The following MAML3 variants were observed in gnomAD, a reference collection of about 807,000 sequenced individuals.
The protein encoded by MAML3 is mastermind-like protein 3.
A neutral mutation model predicts 101.9 loss-of-function variants in MAML3; 27 were observed. The ratio of observed to expected loss-of-function variants is 0.27; its 90% CI spans 0.20 to 0.37. MAML3 has a LOEUF of 0.37. Ranked by LOEUF, MAML3 falls within the 10% of genes least tolerant of loss-of-function variation. The probability of loss-of-function intolerance (pLI) is 1.00; values close to 1 mark genes in which losing one functional copy is unlikely to be tolerated. For synonymous variants in MAML3, 501 were observed against 555.9 expected (o/e 0.90, Z 1.39); for missense variants, 1,316 against 1,444.9 (o/e 0.91, Z 1.45).
chr4:140,134,284 G>C, intron 1 of MAML3: 1 of 456,750 alleles, frequency 2.2e-6, no homozygotes. Context: ...GAAAGGAAAG[G>C]TTGAAAGGAT....
chr4:139,816,877 G>A (rs935943376), intron 2 of MAML3, among the ~76,000 whole-genome samples: 2 of 152,094 alleles, frequency 1.3e-5, no homozygotes, highest in Non-Finnish European at 2.9e-5. Flanking sequence ...ATAGCCACAC[G>A]GAGGGAATAT....
chr4:139,788,622 A>C (rs1252102528), intron 2 of MAML3, among the ~76,000 whole-genome samples: 1 of 152,262 alleles, frequency 6.6e-6, no homozygotes, highest in Non-Finnish European at 1.5e-5. Context: ...GCAAGCTAAA[A>C]GACTATAATC....
At chr4:139,763,632 T>A (rs1729799432) in intron 2 of MAML3, among the ~76,000 whole-genome samples, 1 of 152,202 alleles carries the variant, frequency 6.6e-6, no homozygotes, top group Non-Finnish European at 1.5e-5. Context: ...ATCATGTTGA[T>A]GCTGCCCCTG....
chr4:139,872,624 G>C (rs1445959391), intron 2 of MAML3, among the ~76,000 whole-genome samples: 1 of 152,222 alleles, frequency 6.6e-6, no homozygotes, highest in African/African-American at 2.4e-5. Flanking sequence ...CATCAAAGAT[G>C]TAATGCCTTT....
intron 2 of MAML3, among the ~76,000 whole-genome samples, chr4:139,887,048 T>C (rs945253831): frequency 2.0e-5 from 3 of 152,218 alleles, no homozygotes; most frequent in Admixed American, 1.3e-4. Flanking sequence ...TCACTAGCAA[T>C]AGCAGAAAAC....
Position 140,117,450 on chromosome 4 carries a change from C to T in MAML3, c.468+35410G>A, listed in dbSNP as rs184236274. Among the ~76,000 whole-genome samples the T allele has an allele frequency of 3.4e-3, 517 of 152,086 alleles. 6 individuals are homozygous for T. Among genetic ancestry groups the T allele is most frequent in the African/African-American group, 0.012 (485 of 41,476 alleles). On this transcript the variant is annotated intron_variant, in intron 1 of 4. Transcript: ENST00000509479. ...TAACTATATAACTTTAAAAGTATGA[C>T]TTACAGAATATTTATTTCCTTAAGA...
At chr4:139,989,628 A>T (rs2320820) in intron 1 of MAML3, among the ~76,000 whole-genome samples, 142,426 of 152,012 alleles carry the variant, frequency 0.94, 67,436 homozygotes, top group East Asian at 1. Flanking sequence ...CCCACATGCA[A>T]CACCAAGCCA....
In MAML3 at chr4:140,121,794, T is replaced by G. The variant is rs146991215; in HGVS notation, c.468+31066A>C. ...TGCCACTGCTCAATAGTGCATGATA[T>G]GGTTTGGCTGTGTCCCAACCCAAAT... On this transcript the variant is annotated intron_variant, in intron 1 of 4. Coordinates refer to ENST00000509479, the MANE Select transcript of MAML3 (RefSeq NM_018717.5). 5.9e-5 allele frequency among the ~76,000 whole-genome samples: 9 copies of G among 152,340 alleles called. No homozygotes were observed. The East Asian group carries it at 1.7e-3, about 29-fold the overall frequency.
chr4:139,855,795 A>G (rs374685030), intron 2 of MAML3, among the ~76,000 whole-genome samples: 1 of 152,220 alleles, frequency 6.6e-6, no homozygotes, highest in South Asian at 2.1e-4. Context: ...TCTAATTTTC[A>G]TATGGCAGCA....
At chr4:140,146,621 A>G (rs1336042343) in intron 1 of MAML3, among the ~76,000 whole-genome samples, 1 of 152,222 alleles carries the variant, frequency 6.6e-6, no homozygotes, top group Non-Finnish European at 1.5e-5. Flanking sequence ...CTGTCTGGAA[A>G]GCAGGCTGTA....
intron 1 of MAML3, among the ~76,000 whole-genome samples, chr4:139,939,261 C>A (rs1231319527): frequency 6.6e-6 from 1 of 152,194 alleles, no homozygotes; most frequent in Non-Finnish European, 1.5e-5. Context: ...TAATTATTCT[C>A]ACTTCTCCTC....
At chr4:140,110,082 T>C (rs1728416077) in intron 1 of MAML3, among the ~76,000 whole-genome samples, 1 of 152,190 alleles carries the variant, frequency 6.6e-6, no homozygotes, top group Non-Finnish European at 1.5e-5. Flanking sequence ...CGCCTGTGCG[T>C]GAACTGTCCC....
intron 1 of MAML3, among the ~76,000 whole-genome samples, chr4:139,961,857 T>A (rs919904353): frequency 6.6e-6 from 1 of 152,148 alleles, no homozygotes; most frequent in Admixed American, 6.5e-5. Context: ...CTCACACTTG[T>A]AATCCCAGCA....
chr4:139,881,098 A>G (rs1732211070), intron 2 of MAML3, among the ~76,000 whole-genome samples: 1 of 152,176 alleles, frequency 6.6e-6, no homozygotes, highest in Admixed American at 6.5e-5. Context: ...AGACTTAGGA[A>G]CCAGAGGCAC....
intron 1 of MAML3, among the ~76,000 whole-genome samples, chr4:139,935,391 C>A (rs576558949): frequency 2.0e-5 from 3 of 152,036 alleles, no homozygotes; most frequent in Non-Finnish European, 4.4e-5. Context: ...AAATAACATA[C>A]GTGAAATAGA....
intron 1 of MAML3, among the ~76,000 whole-genome samples, chr4:140,151,901 C>T (rs1729177563): frequency 6.6e-6 from 1 of 152,226 alleles, no homozygotes; most frequent in Non-Finnish European, 1.5e-5. Context: ...CTTTTACCTC[C>T]CTGCTACCTT....
chr4:140,021,400 C>T (rs975943542), intron 1 of MAML3, among the ~76,000 whole-genome samples: 2 of 152,164 alleles, frequency 1.3e-5, no homozygotes, highest in African/African-American at 2.4e-5. Flanking sequence ...GAACAAATAT[C>T]ATCATTTATT....
intron 1 of MAML3, among the ~76,000 whole-genome samples, chr4:139,901,591 G>A (rs1732719721): frequency 6.6e-6 from 1 of 152,198 alleles, no homozygotes; most frequent in South Asian, 2.1e-4. Context: ...TGCCGGTAAA[G>A]GAGGTTGGTG....
chr4:139,892,115 G>T (rs529578153), intron 1 of MAML3, among the ~76,000 whole-genome samples: 1 of 152,274 alleles, frequency 6.6e-6, no homozygotes, highest in Non-Finnish European at 1.5e-5. Flanking sequence ...AACTGGGCTG[G>T]GTACATTGTT....
Sources: gnomAD v4.1 joint callset for allele counts (sites outside exome capture counted in the v4.1 genomes callset) on GRCh38, gnomAD v4.1.1 for gene constraint, MANE v1.5 for transcripts, NCBI Gene and HGNC (gene_info 2026-07-23, HGNC 2026-07-21) for gene names.